Variants in MID1 observed in about 807,000 individuals in gnomAD.
MID1 encodes the protein midline 1.
In MID1, 7 loss-of-function variants were observed where a neutral mutation model predicts 40.4. That is an observed-to-expected ratio of 0.17 (90% CI 0.10 to 0.33). The LOEUF is 0.33. MID1 is among the 10% of genes least tolerant of loss of function. MID1 has a pLI of 1.00. For synonymous variants in MID1, 229 were observed against 221.2 expected, an observed-to-expected ratio of 1.04 and a Z score of -0.31; for missense variants, 367 against 558.5, an observed-to-expected ratio of 0.66 and a Z score of 3.46.
chrX:10,782,614 C>T (rs2043854782), intron 1 of MID1, among the ~76,000 whole-genome samples: 1 of 111,110 alleles, frequency 9.0e-6, no homozygotes, highest in Admixed American at 9.6e-5. Flanking sequence ...AGAAACTTTC[C>T]TAGGCATTCT....
chrX:10,766,287 G>A (rs1463514083), intron 1 of MID1, among the ~76,000 whole-genome samples: 1 of 111,959 alleles, frequency 8.9e-6, no homozygotes, highest in East Asian at 2.8e-4. Context: ...TAGAGGATAT[G>A]TAGGGGACTA....
intron 1 of MID1, among the ~76,000 whole-genome samples, chrX:10,647,240 T>C (rs1936270839): frequency 8.9e-6 from 1 of 111,850 alleles, no homozygotes; most frequent in Admixed American, 9.5e-5. Context: ...AGCCAGGAAA[T>C]CAGATCTATG....
chrX:10,591,900 G>A (rs1186132400), intron 1 of MID1, among the ~76,000 whole-genome samples: 14 of 110,731 alleles, frequency 1.3e-4, no homozygotes, highest in Non-Finnish European at 2.1e-4. Context: ...TAGCCACTGT[G>A]GTACACAGTC....
intron 1 of MID1, among the ~76,000 whole-genome samples, chrX:10,758,264 T>C (rs1395939687): frequency 1.8e-5 from 2 of 108,173 alleles, no homozygotes; most frequent in African/African-American, 6.8e-5. Context: ...TGTGAGCTAC[T>C]GCACCTGGCC....
Position 10,814,222 on chromosome X carries a change from AT to A in MID1, c.-187+19331del, listed in dbSNP as rs2044120249. Among the ~76,000 whole-genome samples the A allele has an allele frequency of 9.0e-5, 10 of 110,975 alleles. No homozygotes were observed. In the South Asian group the frequency reaches 3.9e-3, roughly 43 times the overall value. ...GCTCCAGAGGATCATATTTTATTTT[AT>A]TTTTCCCCATATGTTAGATGGTTTA... On this transcript the variant is annotated intron_variant, in intron 1 of 10. Coordinates refer to the MID1 transcript ENST00000380785.
intron 1 of MID1, among the ~76,000 whole-genome samples, chrX:10,656,540 A>G (rs1326691936): frequency 4.5e-5 from 5 of 111,455 alleles, no homozygotes; most frequent in Non-Finnish European, 9.4e-5. Context: ...CCTCCTGCAA[A>G]TAGGAGAGCT....
intron 1 of MID1, among the ~76,000 whole-genome samples, chrX:10,698,188 A>AG (rs2043172998): frequency 8.9e-6 from 1 of 111,982 alleles, no homozygotes; most frequent in Non-Finnish European, 1.9e-5. Context: ...CATGGTCTGG[A>AG]GGGACCATTT....
chrX:10,790,492 TA>T (rs1336169739), intron 1 of MID1, among the ~76,000 whole-genome samples: 2 of 110,176 alleles, frequency 1.8e-5, no homozygotes, highest in East Asian at 5.8e-4. Flanking sequence ...GCAGCATTGG[TA>T]AAAAATCTGA....
intron 1 of MID1, among the ~76,000 whole-genome samples, chrX:10,730,724 A>C (rs1458155813): frequency 9.1e-6 from 1 of 109,478 alleles, no homozygotes; most frequent in Non-Finnish European, 1.9e-5. Context: ...GGCGCCCGCC[A>C]CCACGCCCGG....
chrX:10,607,451 T>C (rs746336169), intron 1 of MID1, among the ~76,000 whole-genome samples: 14 of 112,054 alleles, frequency 1.2e-4, no homozygotes, highest in Non-Finnish European at 2.6e-4. Flanking sequence ...CAAATAATTA[T>C]GAAACCCCAA....
At chrX:10,710,190 G>C (rs2043257297) in intron 1 of MID1, among the ~76,000 whole-genome samples, 1 of 111,280 alleles carries the variant, frequency 9.0e-6, no homozygotes, top group Non-Finnish European at 1.9e-5. Context: ...TTGGTTCATT[G>C]ATGGGGTGGT....
At position 10,490,460 on chromosome X, in the gene MID1, T is replaced by A. The variant is rs191452055; in HGVS notation, c.864+5124A>T. 7.3e-3 allele frequency among the ~76,000 whole-genome samples: 814 copies of A among 111,757 alleles called. 9 individuals are homozygous for A. The highest frequency in any genetic ancestry group is 0.024 in the African/African-American group (745 of 30,763). ...AAATTGTTTGGTCTAAAAAGAAAAA[T>A]CCCTCCTACTCTGGGATCATATGTA... On this transcript the variant is annotated intron_variant, in intron 4 of 9. Transcript: ENST00000317552.
intron 3 of MID1, among the ~76,000 whole-genome samples, chrX:10,503,264 G>T (rs1185040131): frequency 8.9e-6 from 1 of 111,865 alleles, no homozygotes; most frequent in African/African-American, 3.2e-5. Context: ...ACTTCAGTCT[G>T]TATATAAAAC....
chrX:10,662,027 C>T (rs913986199), intron 1 of MID1, among the ~76,000 whole-genome samples: 12 of 111,704 alleles, frequency 1.1e-4, no homozygotes, highest in Admixed American at 5.7e-4. Flanking sequence ...TCTTTTGGCT[C>T]GGTGTGGTGG....
At position 10,828,895 on chromosome X, in the gene MID1, AT is replaced by A. The variant is rs1034037916; in HGVS notation, c.-187+4658del. Among the ~76,000 whole-genome samples, 3 of 112,196 alleles carry A rather than the reference AT, an allele frequency of 2.7e-5. No individual in the cohort carries two copies. In the Admixed American group the frequency reaches 2.8e-4, roughly 11 times the overall value. ...GCCAGGTACGTTCACAGACATGACCATTTTCAATACTCATAACCGTCCAATG... is the reference window on the plus strand; with the variant it reads ...GCCAGGTACGTTCACAGACATGACCATTTCAATACTCATAACCGTCCAATG... On this transcript the variant is annotated intron_variant, in intron 1 of 10. Coordinates refer to the MID1 transcript ENST00000380785.
chrX:10,534,918 C>T (rs73632644), intron 2 of MID1, among the ~76,000 whole-genome samples: 3,402 of 112,608 alleles, frequency 0.03, 124 homozygotes, highest in African/African-American at 0.1. Context: ...AAAACAGACC[C>T]TTGCCTAAGT....
At chrX:10,782,556 G>A (rs1341320054) in intron 1 of MID1, among the ~76,000 whole-genome samples, 1 of 111,314 alleles carries the variant, frequency 9.0e-6, no homozygotes, top group South Asian at 3.8e-4. Context: ...TGAACCCCTT[G>A]GTATGGTTCA....
At chrX:10,819,139 C>T (rs767598374) in intron 1 of MID1, among the ~76,000 whole-genome samples, 1 of 111,251 alleles carries the variant, frequency 9.0e-6, no homozygotes, top group Non-Finnish European at 1.9e-5. Context: ...CATGTGTACA[C>T]ATTCTCTCTC....
At chrX:10,618,508 C>T (rs1447151190) in intron 1 of MID1, among the ~76,000 whole-genome samples, 1 of 111,708 alleles carries the variant, frequency 9.0e-6, no homozygotes, top group Non-Finnish European at 1.9e-5. Context: ...TGTTCCATCC[C>T]ACCCTCTTTC....
Sources: gnomAD v4.1 joint callset for allele counts (sites outside exome capture counted in the v4.1 genomes callset) on GRCh38, gnomAD v4.1.1 for gene constraint, MANE v1.5 for transcripts, NCBI Gene and HGNC (gene_info 2026-07-23, HGNC 2026-07-21) for gene names.